ENAH: variants seen among roughly 807,000 people sequenced by gnomAD.
The protein encoded by ENAH is ENAH actin regulator, also known as protein enabled homolog.
Under a neutral mutation model 78.7 loss-of-function variants are expected in ENAH, and 23 were observed. The ratio of observed to expected loss-of-function variants is 0.29; its 90% CI spans 0.21 to 0.41. The LOEUF (loss-of-function observed/expected upper bound fraction) is 0.41, where lower values mean the gene tolerates loss of function less well. Among genes scored for constraint, ENAH ranks in the 10% least tolerant of loss-of-function variants. The pLI, the probability that ENAH is intolerant of heterozygous loss-of-function variation, is 1.00. For missense variants in ENAH, 544 were observed against 691.0 expected (o/e 0.79, Z 2.39); for synonymous variants, 226 against 241.0 (o/e 0.94, Z 0.58).
chr1:225,639,665 T>C (rs1400365952), intron 1 of ENAH, among the ~76,000 whole-genome samples: 1 of 151,476 alleles, frequency 6.6e-6, no homozygotes, highest in Non-Finnish European at 1.5e-5. Flanking sequence ...CAGTCTGTGG[T>C]ATCTGTTATA....
At chr1:225,530,678 A>C (rs368072880) in intron 3 of ENAH, 40 bp from the exon 4 acceptor site, 35 of 1,431,422 alleles carry the variant, frequency 2.4e-5, no homozygotes, top group Non-Finnish European at 3.3e-5. Context: ...CATTATTTTC[A>C]TATCTAGCTG....
chr1:225,580,399 C>G (rs1253559944), intron 1 of ENAH: 3 of 152,124 alleles, frequency 2.0e-5, no homozygotes, highest in Non-Finnish European at 4.4e-5. Context: ...CTCCTCCCCC[C>G]GTGATGACTT....
At chr1:225,584,010 A>C (rs924578531) in intron 1 of ENAH, among the ~76,000 whole-genome samples, 1 of 151,704 alleles carries the variant, frequency 6.6e-6, no homozygotes, top group Non-Finnish European at 1.5e-5. Flanking sequence ...AAAATTAGCC[A>C]GGTGTGGTGG....
chr1:225,555,581 CA>C (rs146999797), intron 2 of ENAH, among the ~76,000 whole-genome samples: 155 of 126,230 alleles, frequency 1.2e-3, no homozygotes, highest in Middle Eastern at 3.9e-3. Context: ...GACTCTGTCT[CA>C]AAAAAAAAAA....
intron 1 of ENAH, among the ~76,000 whole-genome samples, chr1:225,638,233 A>G (rs928870772): frequency 1.3e-5 from 2 of 152,164 alleles, no homozygotes; most frequent in Non-Finnish European, 2.9e-5. Context: ...TTGAAAAAAA[A>G]GCAGCCTCAA....
At chr1:225,606,845 A>G (rs1033330376) in intron 1 of ENAH, among the ~76,000 whole-genome samples, 1 of 106,850 alleles carries the variant, frequency 9.4e-6, no homozygotes, top group Non-Finnish European at 1.8e-5. Flanking sequence ...TCTGTCTCAA[A>G]AAAAAAAAAA....
chr1:225,625,199 T>A (rs918861430), intron 1 of ENAH, among the ~76,000 whole-genome samples: 3 of 152,214 alleles, frequency 2.0e-5, no homozygotes, highest in Non-Finnish European at 2.9e-5. Flanking sequence ...AGCTAGGGTA[T>A]AAGCAATCAT....
At chr1:225,619,321 T>C (rs1057507618) in intron 1 of ENAH, among the ~76,000 whole-genome samples, 5 of 152,118 alleles carry the variant, frequency 3.3e-5, no homozygotes, top group African/African-American at 1.2e-4. Flanking sequence ...GGCGGGCAGA[T>C]CACTTGAGGT....
At chr1:225,532,034 C>CA (rs531121852) in intron 3 of ENAH, among the ~76,000 whole-genome samples, 170 of 148,522 alleles carry the variant, frequency 1.1e-3, no homozygotes, top group South Asian at 2.1e-3. Context: ...TAATCAATAA[C>CA]AAAAAAAAAC....
intron 1 of ENAH, among the ~76,000 whole-genome samples, chr1:225,568,370 TTAAAA>T (rs1486869024): frequency 6.6e-6 from 1 of 152,188 alleles, no homozygotes; most frequent in Non-Finnish European, 1.5e-5. Flanking sequence ...GTCTCTATAT[TTAAAA>T]TAAAATATAA....
chr1:225,524,288 G>C (rs936609641), intron 4 of ENAH, among the ~76,000 whole-genome samples: 6 of 152,048 alleles, frequency 3.9e-5, no homozygotes, highest in Non-Finnish European at 8.8e-5. Flanking sequence ...AAAATGTTAA[G>C]TAACATCAGT....
intron 1 of ENAH, among the ~76,000 whole-genome samples, chr1:225,600,441 CTTATG>C (rs1320214028): frequency 1.3e-5 from 2 of 152,134 alleles, no homozygotes; most frequent in Non-Finnish European, 2.9e-5. Flanking sequence ...GTTTTAAATC[CTTATG>C]TTAGGTTGGT....
chr1:225,580,098 C>T (rs999114175), intron 1 of ENAH: 1 of 152,002 alleles, frequency 6.6e-6, no homozygotes, highest in African/African-American at 2.4e-5. Context: ...ACACCCTCAA[C>T]TCATCAACAA....
chr1:225,604,479 A>G (rs767953450), intron 1 of ENAH, among the ~76,000 whole-genome samples: 29 of 152,126 alleles, frequency 1.9e-4, no homozygotes, highest in Non-Finnish European at 2.1e-4. Flanking sequence ...GAAAAAAACA[A>G]TATTTTAAAA....
At chr1:225,578,832 G>C (rs1420294880) in intron 1 of ENAH, among the ~76,000 whole-genome samples, 2 of 152,126 alleles carry the variant, frequency 1.3e-5, no homozygotes, top group South Asian at 4.1e-4. Context: ...CAGCTCCCCA[G>C]TTAGTCAGTT....
chr1:225,650,230 T>G (rs971745640), intron 1 of ENAH, among the ~76,000 whole-genome samples: 1 of 152,212 alleles, frequency 6.6e-6, no homozygotes, highest in Admixed American at 6.5e-5. Context: ...CCTGCTCTTA[T>G]TCAAAATTAG....
intron 4 of ENAH, among the ~76,000 whole-genome samples, chr1:225,521,346 A>G (rs1256549306): frequency 6.6e-6 from 1 of 152,102 alleles, no homozygotes; most frequent in East Asian, 1.9e-4. Context: ...AAGTTGTGTC[A>G]ATTAACCTTC....
At chr1:225,580,991 G>C (rs2096814596) in intron 1 of ENAH, among the ~76,000 whole-genome samples, 1 of 118,752 alleles carries the variant, frequency 8.4e-6, no homozygotes. Flanking sequence ...TAGGCACACA[G>C]GGCTCAGATT....
intron 3 of ENAH, among the ~76,000 whole-genome samples, chr1:225,550,330 G>C (rs1484831104): frequency 6.6e-6 from 1 of 152,118 alleles, no homozygotes; most frequent in African/African-American, 2.4e-5. Flanking sequence ...TGCTGGCCTT[G>C]TTTCTGGCAG....
Sources: allele counts gnomAD v4.1 joint callset (sites outside exome capture counted in the v4.1 genomes callset), GRCh38; gene constraint gnomAD v4.1.1; transcripts MANE v1.5; gene names NCBI Gene and HGNC (gene_info 2026-07-23, HGNC 2026-07-21).